Variants in CFAP77 observed in about 807,000 individuals in gnomAD.
The protein encoded by CFAP77 is cilia and flagella associated protein 77, also known as cilia- and flagella-associated protein 77.
Under a neutral mutation model 31.1 loss-of-function variants are expected in CFAP77, and 25 were observed. The ratio of observed to expected loss-of-function variants is 0.80; its 90% CI spans 0.59 to 1.12. The LOEUF is 1.12. Ranked by LOEUF, CFAP77 falls within the 50% of genes most tolerant of loss-of-function variation. The probability of loss-of-function intolerance (pLI) is 0.00; values close to 1 mark genes in which losing one functional copy is unlikely to be tolerated. For missense variants in CFAP77, 377 were observed against 397.3 expected (o/e 0.95, Z 0.44); for synonymous variants, 151 against 159.9 (o/e 0.94, Z 0.42).
At chr9:132,454,933 T>G (rs1850887387) in intron 1 of CFAP77, among the ~76,000 whole-genome samples, 1 of 152,128 alleles carries the variant, frequency 6.6e-6, no homozygotes, top group Non-Finnish European at 1.5e-5. Flanking sequence ...CAAAGTCCCC[T>G]TAAGTCAGAG....
At chr9:132,572,340 T>C (rs370398843) in intron 5 of CFAP77, 48 bp from the exon 6 acceptor site, 2 of 1,586,844 alleles carry the variant, frequency 1.3e-6, no homozygotes, top group Admixed American at 1.8e-5. Flanking sequence ...TGGAATGAGC[T>C]ACACTGAAGT....
intron 4 of CFAP77, among the ~76,000 whole-genome samples, chr9:132,538,734 C>T (rs1036154511): frequency 6.6e-6 from 1 of 151,816 alleles, no homozygotes; most frequent in Non-Finnish European, 1.5e-5. Flanking sequence ...GCTGAGATTG[C>T]ACCACTTCAC....
rs147358303 is a variant in CFAP77 at position 132,529,519 on chromosome 9, A to C, written c.525-8082A>C. On this transcript the variant is annotated intron_variant, in intron 3 of 5. Coordinates refer to ENST00000393216, the MANE Select transcript of CFAP77 (RefSeq NM_001282957.2). ...ACTTAGAGTATAATAAAAAAAAAAA[A>C]CAAAAAAAAAACTAAACACATACTT... 4.0e-3 allele frequency among the ~76,000 whole-genome samples: 460 copies of C among 115,710 alleles called. 22 individuals carry two copies. Among genetic ancestry groups the C allele is most frequent in the African/African-American group, 0.013 (397 of 30,952 alleles). The allele number at this position is 115,710 out of a possible 152,430, so 75.9% of individuals were successfully genotyped here.
intron 1 of CFAP77, among the ~76,000 whole-genome samples, chr9:132,491,391 C>T (rs951771634): frequency 2.6e-5 from 4 of 152,140 alleles, no homozygotes; most frequent in African/African-American, 4.8e-5. Flanking sequence ...TGCTTGAACC[C>T]GGGAGGTGGA....
At chr9:132,506,672 T>G (rs996587852) in intron 3 of CFAP77, among the ~76,000 whole-genome samples, 7 of 152,132 alleles carry the variant, frequency 4.6e-5, no homozygotes, top group Non-Finnish European at 5.9e-5. Flanking sequence ...GCACTAACAA[T>G]GGCAACTATG....
At chr9:132,502,368 A>G (rs1310878352) in intron 3 of CFAP77, among the ~76,000 whole-genome samples, 1 of 151,476 alleles carries the variant, frequency 6.6e-6, no homozygotes, top group East Asian at 1.9e-4. Context: ...CATCTGAACC[A>G]TTTTTAAGTA....
chr9:132,486,098 T>A (rs867861031), intron 1 of CFAP77, among the ~76,000 whole-genome samples: 6 of 81,370 alleles, frequency 7.4e-5, no homozygotes, highest in Non-Finnish European at 1.1e-4. Flanking sequence ...ATATTTTTTT[T>A]TTTTTTTTTT....
At position 132,513,243 on chromosome 9, in the gene CFAP77, C is replaced by CT. The variant is rs759572114; in HGVS notation, c.524+13647dup. ...AGCAAAACATTTTAACCAATCCTTT[C>CT]TTTTGTGTTTATTAGAAAACTTTCC... On this transcript the variant is annotated intron_variant, in intron 3 of 5. Transcript: ENST00000393216. 1.3e-4 allele frequency: 199 copies of CT among 1,544,380 alleles called. 1 individual carries two copies. The highest frequency in any genetic ancestry group is 1.7e-4 in the Non-Finnish European group (195 of 1,144,512).
chr9:132,412,148 G>C (rs1435410415), intron 1 of CFAP77, among the ~76,000 whole-genome samples: 2 of 152,124 alleles, frequency 1.3e-5, no homozygotes. Flanking sequence ...CTGAACCCAA[G>C]CTTAGGGTCG....
chr9:132,520,081 TC>T (rs2119016380), intron 3 of CFAP77, among the ~76,000 whole-genome samples: 1 of 100,030 alleles, frequency 1.0e-5, no homozygotes, highest in East Asian at 3.1e-4. Context: ...CCATTCCCCC[TC>T]CCCCAGGTTA....
intron 1 of CFAP77, among the ~76,000 whole-genome samples, chr9:132,468,305 CA>C (rs2131732729): frequency 6.6e-6 from 1 of 152,282 alleles, no homozygotes; most frequent in African/African-American, 2.4e-5. Context: ...GAGGTTGCGC[CA>C]CTGCCTCCAG....
intron 5 of CFAP77, among the ~76,000 whole-genome samples, chr9:132,550,576 G>T (rs1489439471): frequency 2.7e-5 from 4 of 150,234 alleles, no homozygotes; most frequent in African/African-American, 9.8e-5. Flanking sequence ...CCAGGCTGGG[G>T]TGCAGTGGTA....
intron 1 of CFAP77, among the ~76,000 whole-genome samples, chr9:132,485,764 G>A (rs1210803793): frequency 6.6e-6 from 1 of 151,744 alleles, no homozygotes; most frequent in Non-Finnish European, 1.5e-5. Flanking sequence ...TCAGAAAACA[G>A]CCTATTGTCC....
In CFAP77 at chr9:132,433,666, G is replaced by C. The variant is rs527324120; in HGVS notation, c.195+23200G>C. Among the ~76,000 whole-genome samples the C allele has an allele frequency of 2.6e-5, 4 of 151,866 alleles. 1 individual carries two copies. In the South Asian group the frequency reaches 8.3e-4, roughly 32 times the overall value. On this transcript the variant is annotated intron_variant, in intron 1 of 5. Transcript: ENST00000393216. ...GGGTTCAAGCAGTTCTTCTGCCTCA[G>C]CCTCCTGAGTAGCTGGGATTACAGG... is the stretch of plus-strand genomic sequence containing the variant.
chr9:132,482,363 G>C (rs199716534), intron 1 of CFAP77: 1 of 1,613,888 alleles, frequency 6.2e-7, no homozygotes, highest in South Asian at 1.1e-5. Context: ...ACTCCTCAGC[G>C]GTGCAGAAAG....
intron 1 of CFAP77, among the ~76,000 whole-genome samples, chr9:132,416,024 T>C (rs140863324): frequency 5.1e-4 from 77 of 152,276 alleles, no homozygotes; most frequent in East Asian, 2.9e-3. Flanking sequence ...TTCTCTGTGT[T>C]TGTGTGTGTG....
intron 1 of CFAP77, among the ~76,000 whole-genome samples, chr9:132,484,016 A>T (rs1199866852): frequency 1.3e-5 from 2 of 151,268 alleles, no homozygotes; most frequent in Admixed American, 6.6e-5. Flanking sequence ...GGCTCACTGA[A>T]ACCTCCACCT....
intron 3 of CFAP77, among the ~76,000 whole-genome samples, chr9:132,508,897 C>T (rs1851982835): frequency 6.6e-6 from 1 of 152,164 alleles, no homozygotes; most frequent in Non-Finnish European, 1.5e-5. Flanking sequence ...GGATTTGAGC[C>T]GAGTCTCCCT....
chr9:132,570,408 G>C (rs1040486283), intron 5 of CFAP77, among the ~76,000 whole-genome samples: 2 of 152,212 alleles, frequency 1.3e-5, no homozygotes, highest in African/African-American at 2.4e-5. Context: ...GCCCCAATGC[G>C]ATTCTGAGGC....
Sources: allele counts gnomAD v4.1 joint callset (sites outside exome capture counted in the v4.1 genomes callset), GRCh38; gene constraint gnomAD v4.1.1; transcripts MANE v1.5; gene names NCBI Gene and HGNC (gene_info 2026-07-23, HGNC 2026-07-21).